HIPK2: variants seen among roughly 807,000 people sequenced by gnomAD.
HIPK2 encodes the protein homeodomain interacting protein kinase 2.
In HIPK2, 27 loss-of-function variants were observed where a neutral mutation model predicts 113.7. The ratio of observed to expected loss-of-function variants is 0.24; its 90% CI spans 0.17 to 0.33. The LOEUF (loss-of-function observed/expected upper bound fraction) is 0.33. HIPK2 is among the 10% of genes least tolerant of loss of function. The pLI is 1.00. For synonymous variants in HIPK2, 631 were observed against 642.2 expected (o/e 0.98, Z 0.26); for missense variants, 1,257 against 1,588.0 (o/e 0.79, Z 3.54).
chr7:139,704,058 A>ACAC (rs1554447552), intron 2 of HIPK2, among the ~76,000 whole-genome samples: 84,672 of 89,182 alleles, frequency 0.95, 41,193 homozygotes, highest in Non-Finnish European at 0.98. Flanking sequence ...CCCAACACAC[A>ACAC]CACACCCAAC....
intron 1 of HIPK2, among the ~76,000 whole-genome samples, chr7:139,720,851 GTC>G (rs1375617904): frequency 6.6e-6 from 1 of 152,182 alleles, no homozygotes; most frequent in Non-Finnish European, 1.5e-5. Context: ...TGAGGTGCTA[GTC>G]TCTGTTTTCA....
At chr7:139,721,949 C>A in intron 1 of HIPK2, 2 of 336,228 alleles carry the variant, frequency 5.9e-6, no homozygotes, top group Admixed American at 3.3e-5. Context: ...TTTTCATTCA[C>A]TAAAGGACAG....
chr7:139,750,861 T>C (rs1796267427), intron 1 of HIPK2, among the ~76,000 whole-genome samples: 2 of 152,242 alleles, frequency 1.3e-5, no homozygotes, highest in Admixed American at 1.3e-4. Flanking sequence ...CTTGAGGACC[T>C]GGTGCACCTT....
rs897131196 is a variant in HIPK2 at position 139,564,746 on chromosome 7, A to C, written c.*8181T>G. The stretch of plus-strand genomic sequence containing the variant: ...TAAACAGAACTTTTCTTTAAAAAGT[A>C]CCAGTCTAAATGTAAACTATAAAAC... On this transcript the variant is annotated 3_prime_UTR_variant, in exon 15 of 15. Transcript: ENST00000406875. 2.0e-5 allele frequency: 3 copies of C among 152,256 alleles called. No individual in the cohort carries two copies. Among genetic ancestry groups the C allele is most frequent in the Non-Finnish European group, 4.4e-5 (3 of 68,046 alleles). The allele number at this position is 152,256 out of a possible 1,614,324, so 9.4% of individuals were successfully genotyped here.
intron 12 of HIPK2, among the ~76,000 whole-genome samples, chr7:139,592,266 T>C (rs1799052983): frequency 6.6e-6 from 1 of 152,224 alleles, no homozygotes; most frequent in African/African-American, 2.4e-5. Context: ...AGTGGCTGCT[T>C]ACACAGGCAC....
At chr7:139,702,074 G>A (rs1794724790) in intron 2 of HIPK2, among the ~76,000 whole-genome samples, 2 of 152,216 alleles carry the variant, frequency 1.3e-5, no homozygotes, top group Non-Finnish European at 2.9e-5. Context: ...TTTAGGAGGT[G>A]TCTTTTGAGA....
chr7:139,652,358 A>C (rs1801493654), intron 2 of HIPK2, among the ~76,000 whole-genome samples: 1 of 152,160 alleles, frequency 6.6e-6, no homozygotes, highest in African/African-American at 2.4e-5. Flanking sequence ...CCTTCCCCTG[A>C]GCTCGGGGAC....
chr7:139,747,840 T>C (rs1424198528), intron 1 of HIPK2, among the ~76,000 whole-genome samples: 1 of 152,236 alleles, frequency 6.6e-6, no homozygotes, highest in Non-Finnish European at 1.5e-5. Context: ...CACAAGTGGC[T>C]ATTTAAATTT....
At chr7:139,656,542 T>G (rs1801675327) in intron 2 of HIPK2, among the ~76,000 whole-genome samples, 1 of 152,218 alleles carries the variant, frequency 6.6e-6, no homozygotes, top group African/African-American at 2.4e-5. Context: ...CTGCCTCTAA[T>G]CTTTCCCTCC....
intron 1 of HIPK2, among the ~76,000 whole-genome samples, chr7:139,751,580 T>A (rs1077374): frequency 1.7e-3 from 240 of 141,410 alleles, no homozygotes; most frequent in East Asian, 5.1e-3. Context: ...GGATGGATGG[T>A]TGGATGGATA....
intron 10 of HIPK2, among the ~76,000 whole-genome samples, chr7:139,603,017 G>C (rs1799490545): frequency 6.6e-6 from 1 of 152,158 alleles, no homozygotes; most frequent in African/African-American, 2.4e-5. Context: ...GTTGCCAGAA[G>C]GGAAGTGAGT....
At chr7:139,657,596 T>C (rs548314545) in intron 2 of HIPK2, among the ~76,000 whole-genome samples, 2 of 152,340 alleles carry the variant, frequency 1.3e-5, no homozygotes, top group South Asian at 4.1e-4. Context: ...CCCAGTGCTA[T>C]CTCTGCACAA....
chr7:139,715,106 A>G (rs983009903), intron 2 of HIPK2, among the ~76,000 whole-genome samples: 2 of 152,218 alleles, frequency 1.3e-5, no homozygotes, highest in African/African-American at 4.8e-5. Context: ...GGGGTCCCTG[A>G]AAAGCTTCCA....
At chr7:139,739,950 C>T (rs1399742959) in intron 1 of HIPK2, among the ~76,000 whole-genome samples, 18 of 152,134 alleles carry the variant, frequency 1.2e-4, no homozygotes, top group Non-Finnish European at 2.9e-5. Context: ...TTTGTGTATC[C>T]ACTTGTCAGC....
At chr7:139,612,705 ATCTCAT>A (rs1799878619) in intron 9 of HIPK2, among the ~76,000 whole-genome samples, 1 of 152,196 alleles carries the variant, frequency 6.6e-6, no homozygotes, top group South Asian at 2.1e-4. Context: ...CATCTCTGCC[ATCTCAT>A]TCTACCATCA....
chr7:139,649,627 C>G (rs1422710610), intron 2 of HIPK2, among the ~76,000 whole-genome samples: 1 of 151,976 alleles, frequency 6.6e-6, no homozygotes, highest in Admixed American at 6.6e-5. Context: ...GATACTGCTG[C>G]AGGAACAGGA....
At chr7:139,751,195 T>C (rs918894101) in intron 1 of HIPK2, among the ~76,000 whole-genome samples, 7 of 127,702 alleles carry the variant, frequency 5.5e-5, no homozygotes, top group African/African-American at 3.1e-4. Context: ...TAGAGAATAG[T>C]ATAGTTAAAA....
chr7:139,688,032 A>G (rs910650922), intron 2 of HIPK2, among the ~76,000 whole-genome samples: 5 of 152,146 alleles, frequency 3.3e-5, no homozygotes, highest in Non-Finnish European at 7.4e-5. Flanking sequence ...AGCAGCATGG[A>G]TTCTTGTCAC....
At chr7:139,755,668 C>T (rs1796350655) in intron 1 of HIPK2, among the ~76,000 whole-genome samples, 1 of 152,228 alleles carries the variant, frequency 6.6e-6, no homozygotes, top group African/African-American at 2.4e-5. Flanking sequence ...GTCCCACATC[C>T]ATGTTCTGTT....
Sources: gnomAD v4.1 joint callset for allele counts (sites outside exome capture counted in the v4.1 genomes callset) on GRCh38, gnomAD v4.1.1 for gene constraint, MANE v1.5 for transcripts, NCBI Gene and HGNC (gene_info 2026-07-23, HGNC 2026-07-21) for gene names.